The following PTPRT variants were observed in gnomAD, a reference collection of about 807,000 sequenced individuals.
PTPRT encodes the protein receptor-type tyrosine-protein phosphatase T.
Under a neutral mutation model 176.8 loss-of-function variants are expected in PTPRT, and 56 were observed. The observed-to-expected ratio is 0.32, with a 90% CI of 0.26 to 0.40. The LOEUF is 0.40. PTPRT is among the 10% of genes least tolerant of loss of function. The pLI is 1.00. For synonymous variants in PTPRT, 783 were observed against 739.0 expected (o/e 1.06, Z -0.96); for missense variants, 1,540 against 1,908.2 (o/e 0.81, Z 3.60).
intron 18 of PTPRT, among the ~76,000 whole-genome samples, chr20:42,141,088 G>A (rs1335998403): frequency 6.6e-6 from 1 of 152,182 alleles, no homozygotes; most frequent in African/African-American, 2.4e-5. Context: ...CTACAGGAAA[G>A]GTAAAGCTCA....
At chr20:42,440,515 T>C (rs1335277783) in intron 9 of PTPRT, among the ~76,000 whole-genome samples, 3 of 151,652 alleles carry the variant, frequency 2.0e-5, no homozygotes, top group Admixed American at 1.3e-4. Context: ...TCTCGCTCTG[T>C]TGCCCAGGCT....
chr20:42,655,734 G>GTT (rs3063138), intron 7 of PTPRT, among the ~76,000 whole-genome samples: 73,295 of 151,846 alleles, frequency 0.48, 19,194 homozygotes, highest in Middle Eastern at 0.58. Context: ...TGACTCTCAG[G>GTT]TTTCTGATCT....
intron 3 of PTPRT, among the ~76,000 whole-genome samples, chr20:42,788,515 C>T (rs1255841934): frequency 6.6e-6 from 1 of 152,146 alleles, no homozygotes; most frequent in African/African-American, 2.4e-5. Context: ...GGGGGAAAAG[C>T]AAAGGAAACG....
intron 9 of PTPRT, among the ~76,000 whole-genome samples, chr20:42,379,681 C>T (rs1005443306): frequency 3.3e-5 from 5 of 152,196 alleles, no homozygotes; most frequent in Non-Finnish European, 5.9e-5. Context: ...ACAGACTGGC[C>T]GAGGCTTGAT....
At chr20:42,305,599 ATG>A (rs1371175155) in intron 12 of PTPRT, among the ~76,000 whole-genome samples, 1 of 150,502 alleles carries the variant, frequency 6.6e-6, no homozygotes, top group Non-Finnish European at 1.5e-5. Flanking sequence ...CAGTTTTAAC[ATG>A]TGTGTGCACG....
chr20:43,098,771 T>G (rs1207620448), intron 1 of PTPRT, among the ~76,000 whole-genome samples: 12 of 152,296 alleles, frequency 7.9e-5, no homozygotes, highest in African/African-American at 2.4e-4. Context: ...ACAAAGGCCA[T>G]GTTTTAAGCA....
intron 14 of PTPRT, among the ~76,000 whole-genome samples, chr20:42,248,437 G>A (rs533120505): frequency 1.6e-4 from 24 of 152,242 alleles, no homozygotes; most frequent in African/African-American, 5.5e-4. Context: ...GGCACATCGC[G>A]GTGGCCCAGT....
Position 42,727,026 on chromosome 20 carries a change from C to CT in PTPRT, c.859+29435dup, listed in dbSNP as rs148671851. On this transcript the variant is annotated intron_variant, in intron 6 of 30. Coordinates refer to ENST00000373187, the MANE Select transcript of PTPRT (RefSeq NM_007050.6). The stretch of plus-strand genomic sequence containing the variant: ...CAAAAGGTTACCTCCCAAGGCCTCA[C>CT]TTTTTGCCTGCCAATACTCTGAGGT... Among the ~76,000 whole-genome samples the CT allele has an allele frequency of 6.5e-3, 983 of 152,274 alleles. 21 individuals are homozygous for CT. The highest frequency in any genetic ancestry group is 0.023 in the African/African-American group (943 of 41,546).
chr20:42,363,408 A>G (rs2070666351), intron 9 of PTPRT, among the ~76,000 whole-genome samples: 1 of 142,778 alleles, frequency 7.0e-6, no homozygotes, highest in Admixed American at 7.3e-5. Context: ...CCTCCCGGGT[A>G]CAAGCAATTC....
At chr20:42,894,413 C>G (rs1392535229) in intron 1 of PTPRT, among the ~76,000 whole-genome samples, 1 of 152,140 alleles carries the variant, frequency 6.6e-6, no homozygotes, top group Non-Finnish European at 1.5e-5. Context: ...GTGCCCAGCA[C>G]TGTTCTCAGT....
At chr20:42,477,513 C>G (rs2145315167) in intron 7 of PTPRT, among the ~76,000 whole-genome samples, 1 of 152,262 alleles carries the variant, frequency 6.6e-6, no homozygotes, top group Non-Finnish European at 1.5e-5. Flanking sequence ...ATCTGCCAAA[C>G]CCAGCTTCTG....
Position 42,139,267 on chromosome 20 carries a change from G to T in PTPRT, c.2770+2648C>A, listed in dbSNP as rs545832170. 9.1e-4 allele frequency among the ~76,000 whole-genome samples: 138 copies of T among 152,274 alleles called. 1 individual carries two copies. The highest frequency in any genetic ancestry group is 3.0e-3 in the African/African-American group (126 of 41,554). On this transcript the variant is annotated intron_variant, in intron 18 of 30. Coordinates refer to ENST00000373187, the MANE Select transcript of PTPRT (RefSeq NM_007050.6). Reference sequence around the variant, plus strand: ...TGCAGAATGATTGACTCTTAAATTAGAAAGGAGATTCTGGTTTATTTAAAC... The same window carrying T: ...TGCAGAATGATTGACTCTTAAATTATAAAGGAGATTCTGGTTTATTTAAAC...
chr20:42,162,932 C>T (rs527988329), intron 16 of PTPRT, among the ~76,000 whole-genome samples: 2 of 152,316 alleles, frequency 1.3e-5, no homozygotes, highest in East Asian at 3.9e-4. Flanking sequence ...AACACCTGAC[C>T]TTCCTGCTTT....
At chr20:42,103,132 C>A (rs1157504298) in intron 25 of PTPRT, among the ~76,000 whole-genome samples, 1 of 152,196 alleles carries the variant, frequency 6.6e-6, no homozygotes, top group Non-Finnish European at 1.5e-5. Context: ...GCTCCTGTTG[C>A]CCAGGTGTAA....
At chr20:42,268,939 A>G (rs778970424) in intron 13 of PTPRT, among the ~76,000 whole-genome samples, 52 of 152,264 alleles carry the variant, frequency 3.4e-4, no homozygotes, top group Middle Eastern at 3.4e-3. Context: ...GAGAAGTACC[A>G]TCAGGCATAA....
In PTPRT at chr20:42,771,472, C is replaced by T; in HGVS notation, c.647G>A (p.Gly216Asp). Residue 216 changes from glycine to aspartate, a missense_variant, in exon 5 of 31, where the codon GGT becomes GAT. Transcript: ENST00000373187. ...GQNATFQCIAGGKWSQHDKLW... is the reference protein window; with the variant it reads ...GQNATFQCIADGKWSQHDKLW... ...CTTGTCATGCTGAGACCACTTCCCA[C>T]CAGCAATGCACTGAAATGTGGCATT... The T allele has an allele frequency of 6.2e-7, 1 of 1,614,132 alleles. No individual in the cohort carries two copies. The highest frequency in any genetic ancestry group is 2.2e-5 in the East Asian group (1 of 44,884).
chr20:42,131,036 G>A (rs776969438), intron 18 of PTPRT, among the ~76,000 whole-genome samples: 13 of 152,298 alleles, frequency 8.5e-5, no homozygotes, highest in Non-Finnish European at 1.2e-4. Flanking sequence ...CCGAAGTTAC[G>A]CATCATGTGT....
At chr20:42,098,671 A>C (rs1600502448) in intron 26 of PTPRT, 119 bp from the exon 27 acceptor site, 3 of 1,315,610 alleles carry the variant, frequency 2.3e-6, no homozygotes. Flanking sequence ...TATACAAAAC[A>C]CCTGCCTGTT....
chr20:42,361,192 C>A (rs2058427355), intron 9 of PTPRT, among the ~76,000 whole-genome samples: 1 of 152,140 alleles, frequency 6.6e-6, no homozygotes, highest in African/African-American at 2.4e-5. Context: ...GAGGGACTTG[C>A]CAAGCAAGCC....
Sources: allele counts gnomAD v4.1 joint callset (sites outside exome capture counted in the v4.1 genomes callset), GRCh38; gene constraint gnomAD v4.1.1; transcripts MANE v1.5; gene names NCBI Gene and HGNC (gene_info 2026-07-23, HGNC 2026-07-21).